The following ADCY2 variants were observed in gnomAD, a reference collection of about 807,000 sequenced individuals.
The protein encoded by ADCY2 is adenylate cyclase type 2.
A neutral mutation model predicts 125.2 loss-of-function variants in ADCY2; 31 were observed. The observed-to-expected ratio is 0.25, with a 90% CI of 0.19 to 0.33. The LOEUF (loss-of-function observed/expected upper bound fraction) is 0.33, where lower values mean the gene tolerates loss of function less well. ADCY2 is among the 10% of genes least tolerant of loss of function. The probability of loss-of-function intolerance (pLI) is 1.00; values close to 1 mark genes in which losing one functional copy is unlikely to be tolerated. For synonymous variants in ADCY2, 512 were observed against 548.4 expected (o/e 0.93, Z 0.93); for missense variants, 904 against 1,418.2 (o/e 0.64, Z 5.82).
At chr5:7,768,205 G>T (rs998749021) in intron 17 of ADCY2, among the ~76,000 whole-genome samples, 4 of 152,172 alleles carry the variant, frequency 2.6e-5, no homozygotes, top group African/African-American at 4.8e-5. Flanking sequence ...TTCAAATTAG[G>T]TGTTATCATA....
intron 2 of ADCY2, among the ~76,000 whole-genome samples, chr5:7,447,693 A>G (rs1741321657): frequency 6.6e-6 from 1 of 152,214 alleles, no homozygotes; most frequent in Non-Finnish European, 1.5e-5. Context: ...TTCTGAGAGC[A>G]GGAAGAGATC....
At chr5:7,767,319 C>A (rs1743414911) in intron 17 of ADCY2, among the ~76,000 whole-genome samples, 1 of 152,154 alleles carries the variant, frequency 6.6e-6, no homozygotes, top group African/African-American at 2.4e-5. Context: ...TAGGTTAAAA[C>A]TTCAAAACTT....
chr5:7,585,867 G>T (rs1360915386), intron 3 of ADCY2, among the ~76,000 whole-genome samples: 1 of 152,160 alleles, frequency 6.6e-6, no homozygotes, highest in African/African-American at 2.4e-5. Flanking sequence ...TGAAGCAATG[G>T]CTATGTTAAC....
intron 4 of ADCY2, among the ~76,000 whole-genome samples, chr5:7,675,971 G>A (rs1285924339): frequency 6.6e-6 from 1 of 152,166 alleles, no homozygotes. Flanking sequence ...GAACATTTGT[G>A]AATTCAAGTA....
At chr5:7,447,794 G>A (rs1741326236) in intron 2 of ADCY2, among the ~76,000 whole-genome samples, 1 of 152,182 alleles carries the variant, frequency 6.6e-6, no homozygotes, top group South Asian at 2.1e-4. Flanking sequence ...AGAATTTCTT[G>A]CACTCACAGT....
chr5:7,404,346 T>C (rs562990408), intron 1 of ADCY2, among the ~76,000 whole-genome samples: 1 of 152,220 alleles, frequency 6.6e-6, no homozygotes, highest in Non-Finnish European at 1.5e-5. Flanking sequence ...ATCTTTATTA[T>C]CTCCTGTTAC....
At chr5:7,503,518 G>T (rs1743675342) in intron 2 of ADCY2, among the ~76,000 whole-genome samples, 1 of 152,202 alleles carries the variant, frequency 6.6e-6, no homozygotes, top group Non-Finnish European at 1.5e-5. Context: ...GTTTTAGGCT[G>T]AGCATAGGGA....
At chr5:7,507,415 T>G (rs1579516069) in intron 2 of ADCY2, among the ~76,000 whole-genome samples, 1 of 103,528 alleles carries the variant, frequency 9.7e-6, no homozygotes, top group South Asian at 3.2e-4. Context: ...CACTCCAGCC[T>G]GGGCGACAGA....
At chr5:7,651,090 AG>A (rs1739070187) in intron 4 of ADCY2, among the ~76,000 whole-genome samples, 1 of 152,166 alleles carries the variant, frequency 6.6e-6, no homozygotes, top group African/African-American at 2.4e-5. Flanking sequence ...ATCCCAACCC[AG>A]GGGTCCTAAT....
chr5:7,572,600 G>T lies in ADCY2; in HGVS notation c.570+51701G>T, dbSNP rs578232573. Among the ~76,000 whole-genome samples, 3 of 152,126 alleles carry T rather than the reference G, an allele frequency of 2.0e-5. No individual in the cohort carries two copies. In the South Asian group the frequency reaches 6.2e-4, roughly 32 times the overall value. ...TTTTCTCCCATTCTGTAGGTTGTCT[G>T]TTTACTCTGTTGGTGTGCAGAAGCT... On this transcript the variant is annotated intron_variant, in intron 3 of 24. Coordinates refer to ENST00000338316, the MANE Select transcript of ADCY2 (RefSeq NM_020546.3).
intron 4 of ADCY2, among the ~76,000 whole-genome samples, chr5:7,643,869 C>T (rs557910281): frequency 6.6e-6 from 1 of 151,358 alleles, no homozygotes; most frequent in African/African-American, 2.4e-5. Context: ...TAATCACATT[C>T]CATTGTGTGT....
At chr5:7,812,537 C>T (rs1744978188) in intron 22 of ADCY2, among the ~76,000 whole-genome samples, 1 of 152,180 alleles carries the variant, frequency 6.6e-6, no homozygotes, top group Non-Finnish European at 1.5e-5. Context: ...ATGAAGGAGA[C>T]TAAGACCCAA....
chr5:7,539,719 C>G (rs150698638), intron 3 of ADCY2, among the ~76,000 whole-genome samples: 2,574 of 152,302 alleles, frequency 0.017, 36 homozygotes, highest in Non-Finnish European at 0.026. Context: ...TGTGGGCCAT[C>G]TAGTGTAGGT....
chr5:7,578,785 G>A (rs1054966517), intron 3 of ADCY2, among the ~76,000 whole-genome samples: 7 of 152,028 alleles, frequency 4.6e-5, no homozygotes, highest in Admixed American at 1.3e-4. Flanking sequence ...GATGCTCCTC[G>A]ATGCTCCCAA....
intron 3 of ADCY2, chr5:7,522,739 T>TAAAAAAAAAAAAAA (rs35601967): frequency 1.6e-5 from 2 of 122,614 alleles, no homozygotes; most frequent in East Asian, 2.4e-4. Flanking sequence ...CATCTCTACT[T>TAAAAAAAAAAAAAA]AAAAAAAAAA....
chr5:7,465,680 G>A (rs1038009443), intron 2 of ADCY2, among the ~76,000 whole-genome samples: 1 of 152,210 alleles, frequency 6.6e-6, no homozygotes, highest in African/African-American at 2.4e-5. Context: ...ATGCTGCAAA[G>A]TATGTGAATG....
intron 16 of ADCY2, among the ~76,000 whole-genome samples, chr5:7,765,334 AC>A (rs1420718609): frequency 1.3e-5 from 2 of 152,080 alleles, no homozygotes; most frequent in Non-Finnish European, 2.9e-5. Context: ...CTAAATCTGT[AC>A]CCTTTTGGAG....
rs561069045 is a variant in ADCY2, at chr5:7,430,116, G to A, written c.408+15346G>A. Among the ~76,000 whole-genome samples, 4 of 152,112 alleles carry A rather than the reference G, an allele frequency of 2.6e-5. No homozygotes were observed. In the East Asian group the frequency reaches 7.7e-4, roughly 29 times the overall value. ...TTAAATTTCACAATATAGATAAAAT[G>A]GGCAAATTTATTGAAAAGCGAACCA... is the stretch of plus-strand genomic sequence containing the variant. On this transcript the variant is annotated intron_variant, in intron 2 of 24. Coordinates refer to ENST00000338316, the MANE Select transcript of ADCY2 (RefSeq NM_020546.3).
intron 4 of ADCY2, among the ~76,000 whole-genome samples, chr5:7,628,019 C>A (rs1343445896): frequency 2.6e-5 from 4 of 152,164 alleles, no homozygotes; most frequent in African/African-American, 9.7e-5. Context: ...AATTAAGAGA[C>A]ATAGATAGTT....
Sources: gnomAD v4.1 joint callset for allele counts (sites outside exome capture counted in the v4.1 genomes callset) on GRCh38, gnomAD v4.1.1 for gene constraint, MANE v1.5 for transcripts, NCBI Gene and HGNC (gene_info 2026-07-23, HGNC 2026-07-21) for gene names.